Variants in EEIG1 observed in about 807,000 individuals in gnomAD.
EEIG1 encodes the protein estrogen-induced osteoclastogenesis regulator 1.
At chr9:127,964,620 A>G in the EEIG1 span, among the ~76,000 whole-genome samples, 1 of 152,226 alleles carries the variant, frequency 6.6e-6, no homozygotes, top group Non-Finnish European at 1.5e-5. Flanking sequence ...GGGGCAGTCC[A>G]ACCTCTGTGA....
the EEIG1 span, among the ~76,000 whole-genome samples, chr9:127,956,935 G>A: frequency 2.6e-5 from 4 of 152,126 alleles, no homozygotes; most frequent in Non-Finnish European, 4.4e-5. Flanking sequence ...GGCTGGTCTC[G>A]AACTCCTGGC....
the EEIG1 span, among the ~76,000 whole-genome samples, chr9:127,965,392 G>A: frequency 1.3e-5 from 2 of 152,112 alleles, no homozygotes; most frequent in East Asian, 1.9e-4. Flanking sequence ...CATTTTAAAC[G>A]AGCTCCCAGG....
chr9:127,964,298 G>GA, the EEIG1 span, among the ~76,000 whole-genome samples: 1 of 152,178 alleles, frequency 6.6e-6, no homozygotes, highest in Admixed American at 6.5e-5. Flanking sequence ...CTGTGGTCCC[G>GA]AGGTCAGTTC....
chr9:127,964,233 C>T, the EEIG1 span, among the ~76,000 whole-genome samples: 1 of 152,192 alleles, frequency 6.6e-6, no homozygotes, highest in East Asian at 1.9e-4. Context: ...ACTCTGTGGT[C>T]CCACAGCACC....
the EEIG1 span, among the ~76,000 whole-genome samples, chr9:127,968,552 G>A: frequency 5.9e-5 from 9 of 152,252 alleles, no homozygotes; most frequent in South Asian, 1.0e-3. Flanking sequence ...CCCTGCTCCC[G>A]TAAGGGCTCC....
At chr9:127,942,347 A>AG in the EEIG1 span, 1 of 152,560 alleles carries the variant, frequency 6.6e-6, no homozygotes, top group Non-Finnish European at 1.5e-5. Context: ...CTCAGACCTG[A>AG]GCTGGAGCTA....
chr9:127,980,125 T>G, the EEIG1 span: 1 of 1,612,712 alleles, frequency 6.2e-7, no homozygotes, highest in Non-Finnish European at 8.5e-7. Flanking sequence ...TTCTTCTTCA[T>G]CAAGAAAGCC....
chr9:127,963,360 T>C, the EEIG1 span, among the ~76,000 whole-genome samples: 1 of 152,190 alleles, frequency 6.6e-6, no homozygotes, highest in East Asian at 1.9e-4. Context: ...GAAGAGACAG[T>C]GATGAACGGC....
the EEIG1 span, among the ~76,000 whole-genome samples, chr9:127,973,827 C>T: frequency 1.3e-5 from 2 of 152,198 alleles, no homozygotes; most frequent in South Asian, 2.1e-4. This position sits in a 1 kb window ranked among gnomAD's most constrained non-coding sequence, Gnocchi z 4.2. Flanking sequence ...CTACGGCACC[C>T]AGGGGACCAG....
chr9:127,948,475 C>A, the EEIG1 span: 1,313 of 1,530,196 alleles, frequency 8.6e-4, 15 homozygotes, highest in Admixed American at 2.3e-4. Context: ...AGGCGCAGGG[C>A]CCCCTGCAGC....
the EEIG1 span, chr9:127,980,141 C>G: frequency 6.2e-6 from 10 of 1,610,902 alleles, no homozygotes; most frequent in African/African-American, 1.1e-4. Flanking sequence ...AAGCCATGAG[C>G]GAGTTCCCTG....
At chr9:127,962,068 G>A in the EEIG1 span, among the ~76,000 whole-genome samples, 6 of 152,200 alleles carry the variant, frequency 3.9e-5, no homozygotes, top group Non-Finnish European at 7.3e-5. Flanking sequence ...AGCAGGCAAC[G>A]CCAGAAGAGA....
chr9:127,955,908 CCT>C, the EEIG1 span, among the ~76,000 whole-genome samples: 2 of 152,348 alleles, frequency 1.3e-5, no homozygotes, highest in Non-Finnish European at 1.5e-5. Context: ...GCACACCGCC[CCT>C]GTCGTGGCTG....
the EEIG1 span, chr9:127,948,033 C>A: frequency 6.3e-7 from 1 of 1,585,948 alleles, no homozygotes; most frequent in Non-Finnish European, 8.6e-7. Context: ...CCCCTCGGGC[C>A]GCTAGCAGGG....
the EEIG1 span, chr9:127,953,821 C>A: frequency 1.2e-6 from 2 of 1,613,866 alleles, no homozygotes; most frequent in Non-Finnish European, 8.5e-7. Flanking sequence ...CACAGACACA[C>A]GGAAGACACA....
chr9:127,969,915 G>C, the EEIG1 span, among the ~76,000 whole-genome samples: 1 of 152,032 alleles, frequency 6.6e-6, no homozygotes, highest in African/African-American at 2.4e-5. Flanking sequence ...AAAGTGTGGG[G>C]CATCTCGAGT....
the EEIG1 span, chr9:127,953,271 G>A: frequency 2.4e-6 from 1 of 419,770 alleles, no homozygotes; most frequent in Non-Finnish European, 4.2e-6. Context: ...CTTCTTACAA[G>A]GTCTGGAAAG....
chr9:127,953,859 A>G, the EEIG1 span: 4 of 1,613,904 alleles, frequency 2.5e-6, no homozygotes, highest in Admixed American at 6.7e-5. Flanking sequence ...TGGCCGGGTT[A>G]GCACTCATCT....
chr9:127,965,256 T>C, the EEIG1 span, among the ~76,000 whole-genome samples: 1 of 152,016 alleles, frequency 6.6e-6, no homozygotes, highest in Admixed American at 6.6e-5. Context: ...GGGGCTGTCC[T>C]GCGCACTGTG....
Sources: gnomAD v4.1 joint callset for allele counts (sites outside exome capture counted in the v4.1 genomes callset) on GRCh38, gnomAD v4.1.1 for gene constraint, Gnocchi (gnomAD v3.1) non-coding constraint, MANE v1.5 for transcripts, NCBI Gene and HGNC (gene_info 2026-07-23, HGNC 2026-07-21) for gene names.